Variants in SERPINI1 observed in about 807,000 individuals in gnomAD.
SERPINI1 encodes the protein serpin family I member 1, also known as neuroserpin.
SERPINI1 carries 19 observed loss-of-function variants against 41.1 expected under a neutral mutation model. That is an observed-to-expected ratio of 0.46 (90% CI 0.32 to 0.68). SERPINI1 has a LOEUF of 0.68. SERPINI1 is among the 30% of genes least tolerant of loss of function. The pLI, the probability that SERPINI1 is intolerant of heterozygous loss-of-function variation, is 0.03. For missense variants in SERPINI1, 460 were observed against 479.2 expected (o/e 0.96, Z 0.37); for synonymous variants, 138 against 156.6 (o/e 0.88, Z 0.89).
At chr3:167,752,676 GAAAATGC>G (rs1726081011) in intron 1 of SERPINI1, among the ~76,000 whole-genome samples, 1 of 151,862 alleles carries the variant, frequency 6.6e-6, no homozygotes, top group African/African-American at 2.4e-5. Context: ...GTGTTTAGGA[GAAAATGC>G]AACATCCTTG....
At chr3:167,786,338 A>G (rs1727306597) in intron 1 of SERPINI1, among the ~76,000 whole-genome samples, 1 of 151,958 alleles carries the variant, frequency 6.6e-6, no homozygotes, top group Admixed American at 6.5e-5. Context: ...CCCCGTCTCT[A>G]CTAAAAATAC....
chr3:167,746,218 C>A (rs1307952928), intron 1 of SERPINI1, among the ~76,000 whole-genome samples: 1 of 152,106 alleles, frequency 6.6e-6, no homozygotes, highest in Non-Finnish European at 1.5e-5. Context: ...ACCGAGGCAA[C>A]TGGATATCTA....
At chr3:167,771,622 C>G (rs1301313428) in intron 1 of SERPINI1, among the ~76,000 whole-genome samples, 1 of 151,228 alleles carries the variant, frequency 6.6e-6, no homozygotes, top group East Asian at 1.9e-4. Flanking sequence ...ACCTGTTTAA[C>G]TTTTTTTTTA....
At position 167,798,572 on chromosome 3, in the gene SERPINI1, C is replaced by T. The variant is rs917052046; in HGVS notation, c.881+3748C>T. Reference sequence around the variant, plus strand: ...TTTTCATAGCTATACTCTGTGTTTACTCAAGTGTCAATTTTAATGGTTTGC... The same window carrying T: ...TTTTCATAGCTATACTCTGTGTTTATTCAAGTGTCAATTTTAATGGTTTGC... On this transcript the variant is annotated intron_variant, in intron 5 of 8. Coordinates refer to ENST00000446050, the MANE Select transcript of SERPINI1 (RefSeq NM_001122752.2). Among the ~76,000 whole-genome samples the T allele has an allele frequency of 8.5e-5, 13 of 152,096 alleles. No homozygotes were observed. In the East Asian group the frequency reaches 2.3e-3, roughly 27 times the overall value.
chr3:167,798,225 T>C (rs779369526), intron 5 of SERPINI1, among the ~76,000 whole-genome samples: 5 of 152,198 alleles, frequency 3.3e-5, no homozygotes, highest in Non-Finnish European at 7.4e-5. Flanking sequence ...TAAGAGATAC[T>C]CTTCAATTAT....
At chr3:167,737,049 G>C (rs953310958) in intron 1 of SERPINI1, among the ~76,000 whole-genome samples, 2 of 151,634 alleles carry the variant, frequency 1.3e-5, no homozygotes, top group African/African-American at 4.8e-5. Flanking sequence ...TGGAGTAATT[G>C]TCTTGTTTTC....
intron 1 of SERPINI1, among the ~76,000 whole-genome samples, chr3:167,738,094 G>T (rs1299653491): frequency 6.6e-6 from 1 of 152,002 alleles, no homozygotes; most frequent in East Asian, 1.9e-4. Context: ...TTCTTGATTG[G>T]TGTTGAAAAC....
At chr3:167,736,875 G>T (rs1476559229) in intron 1 of SERPINI1, among the ~76,000 whole-genome samples, 3 of 152,032 alleles carry the variant, frequency 2.0e-5, no homozygotes. Context: ...TATTTTCCTA[G>T]TTCATTTTCA....
chr3:167,789,054 A>G, intron 1 of SERPINI1, 57 bp from the exon 2 acceptor site: 4 of 1,547,348 alleles, frequency 2.6e-6, no homozygotes, highest in South Asian at 1.1e-5. Context: ...ATATCCTTCC[A>G]TGAGACTTTT....
chr3:167,761,565 A>G (rs993533649), intron 1 of SERPINI1, among the ~76,000 whole-genome samples: 4 of 152,226 alleles, frequency 2.6e-5, no homozygotes, highest in Non-Finnish European at 5.9e-5. Context: ...TCCATAAGAC[A>G]TTAGAGTAAT....
chr3:167,744,696 A>ATT (rs536402808), intron 1 of SERPINI1, among the ~76,000 whole-genome samples: 3,625 of 130,874 alleles, frequency 0.028, 188 homozygotes, highest in African/African-American at 0.1. Context: ...ATAAACATAT[A>ATT]TAAATATATA....
chr3:167,784,960 G>A (rs888669245), intron 1 of SERPINI1, among the ~76,000 whole-genome samples: 3 of 151,924 alleles, frequency 2.0e-5, no homozygotes, highest in Admixed American at 6.6e-5. Context: ...TGAGTGCTTC[G>A]CCCCAAGCAT....
At chr3:167,745,298 A>C (rs78408174) in intron 1 of SERPINI1, among the ~76,000 whole-genome samples, 1,991 of 152,144 alleles carry the variant, frequency 0.013, 38 homozygotes, top group African/African-American at 0.046. Flanking sequence ...ATACTATATC[A>C]ATGAAATAAA....
At chr3:167,764,171 C>T (rs960257552) in intron 1 of SERPINI1, among the ~76,000 whole-genome samples, 1 of 152,152 alleles carries the variant, frequency 6.6e-6, no homozygotes, top group Middle Eastern at 3.2e-3. Context: ...AGAGAGCCTT[C>T]CTGCCACAGG....
chr3:167,822,982 G>A lies in SERPINI1; in HGVS notation c.980-4G>A, dbSNP rs1160063605. Reference sequence around the variant, plus strand: ...AAAAAAAATTTCTGATTCTCTTTTTGCAGATAATAAGGAGATTTTTCTTTC... The same window carrying A: ...AAAAAAAATTTCTGATTCTCTTTTTACAGATAATAAGGAGATTTTTCTTTC... On this transcript the variant is annotated splice_region_variant and splice_polypyrimidine_tract_variant and intron_variant, in intron 6 of 8. Coordinates refer to ENST00000446050, the MANE Select transcript of SERPINI1 (RefSeq NM_001122752.2). 1.9e-6 allele frequency: 3 copies of A among 1,564,528 alleles called. No individual in the cohort carries two copies. Among genetic ancestry groups the A allele is most frequent in the Non-Finnish European group, 2.6e-6 (3 of 1,135,912 alleles).
intron 1 of SERPINI1, among the ~76,000 whole-genome samples, chr3:167,762,552 G>C (rs1366659931): frequency 6.6e-6 from 1 of 151,880 alleles, no homozygotes; most frequent in African/African-American, 2.4e-5. Flanking sequence ...ACCTGTATTG[G>C]CTTCTTGCTG....
At chr3:167,736,851 AAGT>A (rs1725473500) in intron 1 of SERPINI1, among the ~76,000 whole-genome samples, 1 of 152,114 alleles carries the variant, frequency 6.6e-6, no homozygotes, top group Non-Finnish European at 1.5e-5. Context: ...ATTTTTAGAG[AAGT>A]AGTAAGAAGC....
chr3:167,799,271 T>C (rs1369265087), intron 5 of SERPINI1, among the ~76,000 whole-genome samples: 2 of 152,110 alleles, frequency 1.3e-5, no homozygotes, highest in African/African-American at 2.4e-5. Context: ...CAACTCCCAC[T>C]TGTGAGTGAC....
intron 4 of SERPINI1, 81 bp downstream of exon 4, chr3:167,792,865 C>A: frequency 8.2e-7 from 1 of 1,212,310 alleles, no homozygotes; most frequent in Non-Finnish European, 1.2e-6. Context: ...CATTCATATT[C>A]AAACTCCTTG....
Sources: allele counts gnomAD v4.1 joint callset (sites outside exome capture counted in the v4.1 genomes callset), GRCh38; gene constraint gnomAD v4.1.1; transcripts MANE v1.5; gene names NCBI Gene and HGNC (gene_info 2026-07-23, HGNC 2026-07-21).